The following DLGAP2 variants were observed in gnomAD, a reference collection of about 807,000 sequenced individuals.
DLGAP2 encodes DLG associated protein 2, also known as disks large-associated protein 2.
In DLGAP2, 26 loss-of-function variants were observed where a neutral mutation model predicts 100.3. That is an observed-to-expected ratio of 0.26 (90% CI 0.19 to 0.36). The LOEUF (loss-of-function observed/expected upper bound fraction) is 0.36. Among genes scored for constraint, DLGAP2 ranks in the 10% least tolerant of loss-of-function variants. The pLI is 1.00. For synonymous variants in DLGAP2, 886 were observed against 630.1 expected, an observed-to-expected ratio of 1.41 and a Z score of -6.08; for missense variants, 1,858 against 1,453.2, an observed-to-expected ratio of 1.28 and a Z score of -4.53.
chr8:769,628 G>A (rs1044341646), intron 1 of DLGAP2, among the ~76,000 whole-genome samples: 6 of 152,134 alleles, frequency 3.9e-5, no homozygotes, highest in East Asian at 3.9e-4. Flanking sequence ...CTGTGGTGAC[G>A]TGTTGGGATT....
chr8:1,613,825 C>T (rs1797062259), intron 6 of DLGAP2, among the ~76,000 whole-genome samples: 2 of 152,206 alleles, frequency 1.3e-5, no homozygotes, highest in South Asian at 4.1e-4. Context: ...CACTGGCCTC[C>T]TCTGTATTCT....
At chr8:1,456,127 A>T (rs1798303910) in intron 3 of DLGAP2, among the ~76,000 whole-genome samples, 1 of 152,088 alleles carries the variant, frequency 6.6e-6, no homozygotes, top group African/African-American at 2.4e-5. Flanking sequence ...GTCGCGTTGA[A>T]CTCAGGAGTG....
At chr8:1,117,728 G>C (rs1034478317) in intron 2 of DLGAP2, among the ~76,000 whole-genome samples, 1 of 152,166 alleles carries the variant, frequency 6.6e-6, no homozygotes, top group Non-Finnish European at 1.5e-5. Flanking sequence ...CTCCAGACCA[G>C]GACTCTTTGT....
At chr8:927,222 A>G in intron 2 of DLGAP2, 4 of 985,472 alleles carry the variant, frequency 4.1e-6, no homozygotes, top group Non-Finnish European at 4.8e-6. Context: ...TTTATAGAAC[A>G]TGATCCATTA....
At chr8:1,540,518 A>C (rs966231037) in intron 4 of DLGAP2, among the ~76,000 whole-genome samples, 5 of 152,198 alleles carry the variant, frequency 3.3e-5, no homozygotes, top group Non-Finnish European at 7.4e-5. Context: ...CTGTAATTCT[A>C]TGACCTCATG....
At chr8:1,506,616 G>C (rs762488560) in intron 4 of DLGAP2, among the ~76,000 whole-genome samples, 3 of 152,228 alleles carry the variant, frequency 2.0e-5, no homozygotes, top group Non-Finnish European at 4.4e-5. Context: ...CAGGTTGCCA[G>C]TGCCGGCTCA....
intron 3 of DLGAP2, among the ~76,000 whole-genome samples, chr8:1,497,137 G>A (rs944602487): frequency 9.9e-5 from 15 of 152,190 alleles, no homozygotes; most frequent in African/African-American, 2.7e-4. Flanking sequence ...CGGAGTTGCC[G>A]CGGTGAAAGA....
intron 6 of DLGAP2, among the ~76,000 whole-genome samples, chr8:1,601,701 G>C (rs1796630199): frequency 6.6e-6 from 1 of 152,152 alleles, no homozygotes; most frequent in Non-Finnish European, 1.5e-5. Flanking sequence ...TCCATTATGA[G>C]ACCAAGCCTG....
At chr8:1,000,408 C>T (rs914294036) in intron 2 of DLGAP2, among the ~76,000 whole-genome samples, 3 of 147,130 alleles carry the variant, frequency 2.0e-5, no homozygotes, top group African/African-American at 7.7e-5. Context: ...TTTTCTTTTG[C>T]ACCGGATTTT....
chr8:1,230,948 G>A (rs1798522995), intron 2 of DLGAP2, among the ~76,000 whole-genome samples: 1 of 152,124 alleles, frequency 6.6e-6, no homozygotes, highest in African/African-American at 2.4e-5. Flanking sequence ...TCAGCCTTGG[G>A]AAAGGATTTA....
intron 2 of DLGAP2, among the ~76,000 whole-genome samples, chr8:1,188,852 A>C (rs771454123): frequency 1.3e-5 from 2 of 152,126 alleles, no homozygotes; most frequent in Non-Finnish European, 2.9e-5. Context: ...ATGACTTGTC[A>C]CTCCAAAAAG....
At chr8:1,452,264 G>C (rs958467269) in intron 3 of DLGAP2, among the ~76,000 whole-genome samples, 1 of 152,156 alleles carries the variant, frequency 6.6e-6, no homozygotes, top group Non-Finnish European at 1.5e-5. Context: ...TGTGTTCTGT[G>C]GCTGGGTGTT....
intron 1 of DLGAP2, among the ~76,000 whole-genome samples, chr8:864,529 A>G (rs7823711): frequency 0.38 from 57,039 of 152,006 alleles, 11,287 homozygotes; most frequent in African/African-American, 0.51. Context: ...AGAAAAATAT[A>G]TAAGGCCAAT....
intron 4 of DLGAP2, among the ~76,000 whole-genome samples, chr8:1,535,761 C>T (rs952084082): frequency 6.6e-6 from 1 of 152,196 alleles, no homozygotes; most frequent in African/African-American, 2.4e-5. Flanking sequence ...CACATATCTC[C>T]ACTTAGGACA....
chr8:1,355,633 G>A (rs1416905795), intron 3 of DLGAP2, among the ~76,000 whole-genome samples: 1 of 152,102 alleles, frequency 6.6e-6, no homozygotes, highest in African/African-American at 2.4e-5. Context: ...AGGGTGCTGG[G>A]ATTATAGGCA....
intron 2 of DLGAP2, among the ~76,000 whole-genome samples, chr8:1,217,803 T>C (rs974743950): frequency 5.9e-5 from 9 of 152,208 alleles, no homozygotes; most frequent in Admixed American, 1.3e-4. Context: ...CCATTCTGAC[T>C]GGTGTGAGAG....
intron 1 of DLGAP2, among the ~76,000 whole-genome samples, chr8:782,215 AAGTT>A (rs1821709725): frequency 6.6e-6 from 1 of 150,502 alleles, no homozygotes; most frequent in South Asian, 2.1e-4. Flanking sequence ...AAAGGTATAA[AAGTT>A]AGAGCTTTAA....
intron 6 of DLGAP2, among the ~76,000 whole-genome samples, chr8:1,567,480 C>G (rs1230606011): frequency 6.6e-6 from 1 of 152,130 alleles, no homozygotes; most frequent in African/African-American, 2.4e-5. Context: ...ATGAAAAAAC[C>G]AAAGCCTTTT....
At chr8:1,055,534 C>T (rs1197410290) in intron 2 of DLGAP2, among the ~76,000 whole-genome samples, 1 of 152,194 alleles carries the variant, frequency 6.6e-6, no homozygotes, top group Non-Finnish European at 1.5e-5. Context: ...AGAGATTTTA[C>T]ATGTGGACTA....
Sources: gnomAD v4.1 joint callset for allele counts (sites outside exome capture counted in the v4.1 genomes callset) on GRCh38, gnomAD v4.1.1 for gene constraint, MANE v1.5 for transcripts, NCBI Gene and HGNC (gene_info 2026-07-23, HGNC 2026-07-21) for gene names.